The following ERICH3 variants were observed in gnomAD, a reference collection of about 807,000 sequenced individuals.
ERICH3 encodes the protein glutamate rich 3.
Under a neutral mutation model 131.1 loss-of-function variants are expected in ERICH3, and 126 were observed. The ratio of observed to expected loss-of-function variants is 0.96; its 90% CI spans 0.83 to 1.11. The LOEUF is 1.11. ERICH3 is among the 50% of genes most tolerant of loss of function. The pLI is 0.00. For synonymous variants in ERICH3, 695 were observed against 644.6 expected (o/e 1.08, Z -1.18); for missense variants, 2,050 against 1,810.7 (o/e 1.13, Z -2.40).
Position 74,673,504 on chromosome 1 carries a change from G to A in ERICH3, c.16C>T (p.Pro6Ser). ...GCTCCAGTTGTCACTTACCCAGCGG[G>A]GTGAGAATGGCTCATTTTTGCAGGA... is the stretch of plus-strand genomic sequence containing the variant. MSHSH[P>S]AGLLAAYNSL... Residue 6 changes from proline to serine, a missense_variant, in exon 1 of 15, where the codon CCC becomes TCC. Pro to Ser is a moderately conservative substitution (Grantham distance 74). Coordinates refer to ENST00000326665, the MANE Select transcript of ERICH3 (RefSeq NM_001002912.5). 1 of 1,613,284 alleles carries A rather than the reference G, an allele frequency of 6.2e-7. No homozygotes were observed. The highest frequency in any genetic ancestry group is 2.2e-5 in the East Asian group (1 of 44,782).
At chr1:74,668,540 T>A (rs1646712369) in intron 1 of ERICH3, among the ~76,000 whole-genome samples, 1 of 152,180 alleles carries the variant, frequency 6.6e-6, no homozygotes, top group African/African-American at 2.4e-5. Context: ...CAAAAACATT[T>A]TTTGTGTCTG....
rs1001896517 is a variant in ERICH3, at chr1:74,572,777, T to C, written c.2933A>G (p.Glu978Gly). ...CTCTTTTCTCTCTTTGGCTGGTTCCTCTCCCCCAAGAATTGCCTCTTCAGA... is the reference window on the plus strand; with the variant it reads ...CTCTTTTCTCTCTTTGGCTGGTTCCCCTCCCCCAAGAATTGCCTCTTCAGA... ...DGSEEAILGG[E>G]EPAKERKEVM... The change falls in exon 14 of 15, where the codon GAG (glutamate) becomes GGG (glycine). Residue 978 changes from glutamate (E) to glycine (G), a missense_variant. Transcript: ENST00000326665. 1 of 1,613,898 alleles carries C rather than the reference T, an allele frequency of 6.2e-7. No homozygotes were observed.
chr1:74,601,218 C>T (rs965352473), intron 10 of ERICH3, among the ~76,000 whole-genome samples: 3 of 151,802 alleles, frequency 2.0e-5, no homozygotes, highest in Non-Finnish European at 2.9e-5. Flanking sequence ...CTAATAAAAA[C>T]GAGTAAATAT....
chr1:74,607,921 C>T (rs1648480926), intron 9 of ERICH3, among the ~76,000 whole-genome samples: 1 of 151,792 alleles, frequency 6.6e-6, no homozygotes, highest in Non-Finnish European at 1.5e-5. Context: ...TACTCTGTAT[C>T]CATTATCTTA....
intron 7 of ERICH3, among the ~76,000 whole-genome samples, chr1:74,628,495 G>T (rs1380365819): frequency 3.9e-5 from 6 of 152,004 alleles, no homozygotes; most frequent in Non-Finnish European, 1.5e-5. Context: ...AACTTTGTAA[G>T]AATACAGTAT....
At chr1:74,630,580 G>C (rs1646313063) in intron 7 of ERICH3, among the ~76,000 whole-genome samples, 2 of 152,108 alleles carry the variant, frequency 1.3e-5, no homozygotes, top group South Asian at 4.1e-4. Flanking sequence ...GTTGCCTGGG[G>C]TTGTTAGACT....
chr1:74,622,154 T>G (rs1215913704), intron 7 of ERICH3: 1 of 152,204 alleles, frequency 6.6e-6, no homozygotes, highest in Non-Finnish European at 1.5e-5. Context: ...TGATTTCTTT[T>G]CCATTTCATT....
In ERICH3 at chr1:74,571,946, T is replaced by C; in HGVS notation, c.3764A>G (p.Glu1255Gly). The C allele has an allele frequency of 2.5e-6, 4 of 1,613,638 alleles. No individual in the cohort carries two copies. The highest frequency in any genetic ancestry group is 3.4e-6 in the Non-Finnish European group (4 of 1,180,018). Residue 1255 changes from glutamate (E) to glycine (G), a missense_variant, in exon 14 of 15, where the codon GAG (glutamate) becomes GGG (glycine). By Grantham distance (98) the Glu-to-Gly change is moderately conservative. Coordinates refer to ENST00000326665, the MANE Select transcript of ERICH3 (RefSeq NM_001002912.5). ...TCCTCCTTGCCCTTCAGCTCTCCCCTCCAGTCCTGCGCAGGAGTCGTGATC... is the reference window on the plus strand; with the variant it reads ...TCCTCCTTGCCCTTCAGCTCTCCCCCCCAGTCCTGCGCAGGAGTCGTGATC... ...AKDHDSCAGL[E>G]GRAEGQGGVD...
At chr1:74,644,648 T>G (rs1162806919) in intron 3 of ERICH3, among the ~76,000 whole-genome samples, 1 of 152,008 alleles carries the variant, frequency 6.6e-6, no homozygotes, top group Non-Finnish European at 1.5e-5. Flanking sequence ...GCTTAAATCT[T>G]TCTCCCACTT....
chr1:74,635,583 A>C (rs1173580776), intron 6 of ERICH3, among the ~76,000 whole-genome samples: 1 of 152,092 alleles, frequency 6.6e-6, no homozygotes, highest in Non-Finnish European at 1.5e-5. Context: ...TTTTTTCTTA[A>C]GCTGGCAAAA....
chr1:74,584,731 C>T (rs1300025536), intron 12 of ERICH3, among the ~76,000 whole-genome samples: 1 of 152,168 alleles, frequency 6.6e-6, no homozygotes, highest in East Asian at 1.9e-4. Context: ...ATATCTCTCT[C>T]CTAGAATATA....
intron 12 of ERICH3, among the ~76,000 whole-genome samples, chr1:74,581,052 A>AG (rs1647169105): frequency 6.6e-6 from 1 of 152,064 alleles, no homozygotes; most frequent in African/African-American, 2.4e-5. Flanking sequence ...GTCGTATGTT[A>AG]TTTCTGTTAT....
At chr1:74,576,668 C>A (rs1194522532) in intron 13 of ERICH3, among the ~76,000 whole-genome samples, 1 of 152,074 alleles carries the variant, frequency 6.6e-6, no homozygotes, top group Non-Finnish European at 1.5e-5. Context: ...TGCTTGATGA[C>A]AATTACTAAA....
intron 1 of ERICH3, among the ~76,000 whole-genome samples, chr1:74,664,992 T>A (rs916650877): frequency 5.3e-5 from 8 of 152,240 alleles, no homozygotes; most frequent in Non-Finnish European, 1.2e-4. Flanking sequence ...TTAACGTCTG[T>A]ATCACCCCAA....
rs1024433781 is a variant in ERICH3, at chr1:74,645,589, C to A, written c.243+1078G>T. Reference sequence around the variant, plus strand: ...ACTAGGCTTCAAGGATTAAGGCTAACAGAGAACTCAGTGCCTATTGAGTAA... The same window carrying A: ...ACTAGGCTTCAAGGATTAAGGCTAAAAGAGAACTCAGTGCCTATTGAGTAA... On this transcript the variant is annotated intron_variant, in intron 3 of 14. Coordinates refer to ENST00000326665, the MANE Select transcript of ERICH3 (RefSeq NM_001002912.5). 3.9e-5 allele frequency among the ~76,000 whole-genome samples: 6 copies of A among 151,954 alleles called. No individual in the cohort carries two copies. In the South Asian group the frequency reaches 1.2e-3, roughly 31 times the overall value.
At chr1:74,598,701 A>T (rs1570844927) in intron 11 of ERICH3, among the ~76,000 whole-genome samples, 1 of 151,900 alleles carries the variant, frequency 6.6e-6, no homozygotes, top group African/African-American at 2.4e-5. Context: ...TAAAAACTAA[A>T]ACAAGAAGCT....
chr1:74,672,877 G>A (rs1243652718), intron 1 of ERICH3, among the ~76,000 whole-genome samples: 1 of 151,854 alleles, frequency 6.6e-6, no homozygotes, highest in Non-Finnish European at 1.5e-5. Flanking sequence ...CCTACCTAAA[G>A]CAACTGAAGA....
intron 10 of ERICH3, among the ~76,000 whole-genome samples, chr1:74,602,876 T>C (rs1308642090): frequency 4.6e-5 from 7 of 151,964 alleles, no homozygotes; most frequent in Non-Finnish European, 7.4e-5. Context: ...TTGCTGCAGA[T>C]ATATTAAAAT....
chr1:74,596,442 T>G (rs1377829316), intron 11 of ERICH3, among the ~76,000 whole-genome samples: 1 of 152,110 alleles, frequency 6.6e-6, no homozygotes, highest in Admixed American at 6.6e-5. Context: ...TAATTACATA[T>G]GCATCACTTT....
Sources: gnomAD v4.1 joint callset for allele counts (sites outside exome capture counted in the v4.1 genomes callset) on GRCh38, gnomAD v4.1.1 for gene constraint, MANE v1.5 for transcripts, NCBI Gene and HGNC (gene_info 2026-07-23, HGNC 2026-07-21) for gene names.